RFX3: variants seen among roughly 807,000 people sequenced by gnomAD.
RFX3 encodes the protein regulatory factor X3, also known as transcription factor RFX3.
Under a neutral mutation model 98.6 loss-of-function variants are expected in RFX3, and 14 were observed. That is an observed-to-expected ratio of 0.14 (90% CI 0.09 to 0.22). The LOEUF is 0.22. Ranked by LOEUF, RFX3 falls within the 10% of genes least tolerant of loss-of-function variation. The pLI is 1.00. For synonymous variants in RFX3, 383 were observed against 328.4 expected (o/e 1.17, Z -1.80); for missense variants, 639 against 926.9 (o/e 0.69, Z 4.03).
intron 1 of RFX3, chr9:3,524,611 G>C: frequency 5.1e-6 from 5 of 982,848 alleles, no homozygotes; most frequent in Non-Finnish European, 3.6e-6. Flanking sequence ...ACTGTGAACT[G>C]AGTTCTCACA....
At chr9:3,425,072 T>G (rs1843879807) in intron 1 of RFX3, among the ~76,000 whole-genome samples, 1 of 152,044 alleles carries the variant, frequency 6.6e-6, no homozygotes, top group Non-Finnish European at 1.5e-5. Flanking sequence ...CTACAAAAAA[T>G]CTAAAAATTT....
chr9:3,248,253 T>C (rs1282300112), intron 14 of RFX3, 68 bp from the exon 15 acceptor site: 1 of 1,479,238 alleles, frequency 6.8e-7, no homozygotes, highest in African/African-American at 1.4e-5. Context: ...TACCTATTTT[T>C]CCTCTTAAAA....
At chr9:3,384,968 G>A (rs965533352) in intron 2 of RFX3, among the ~76,000 whole-genome samples, 1 of 152,130 alleles carries the variant, frequency 6.6e-6, no homozygotes, top group African/African-American at 2.4e-5. Flanking sequence ...TCCCTCTGGG[G>A]AAACTTCCTT....
At chr9:3,480,605 G>A (rs896636672) in intron 1 of RFX3, among the ~76,000 whole-genome samples, 5 of 152,156 alleles carry the variant, frequency 3.3e-5, no homozygotes, top group Non-Finnish European at 5.9e-5. Flanking sequence ...AATGGCTAAA[G>A]CTTGAAGACT....
Position 3,395,596 on chromosome 9 carries a change from T to A in RFX3, c.-8A>T, listed in dbSNP as rs896404913. 6.2e-7 allele frequency: 1 copy of A among 1,613,030 alleles called. No homozygotes were observed. ...AGTCTCTGATGTCTGCATGATGGTC[T>A]CTGAAATAGATTAAAATGAAATTAA... On this transcript the variant is annotated splice_region_variant and 5_prime_UTR_variant, in exon 2 of 17. Coordinates refer to ENST00000617270, the MANE Select transcript of RFX3 (RefSeq NM_001282116.2).
intron 1 of RFX3, among the ~76,000 whole-genome samples, chr9:3,442,413 C>G (rs559902145): frequency 2.0e-5 from 3 of 152,090 alleles, no homozygotes; most frequent in Admixed American, 6.5e-5. Flanking sequence ...CAAAAAGTAT[C>G]TGGCCAGTAC....
intron 1 of RFX3, among the ~76,000 whole-genome samples, chr9:3,474,288 A>G (rs2133259830): frequency 6.6e-6 from 1 of 152,354 alleles, no homozygotes; most frequent in Middle Eastern, 3.4e-3. Context: ...GCACATTTCA[A>G]GTTAAAATGT....
chr9:3,451,741 T>C (rs1846655368), intron 1 of RFX3, among the ~76,000 whole-genome samples: 1 of 152,096 alleles, frequency 6.6e-6, no homozygotes, highest in Admixed American at 6.5e-5. Context: ...TAGGGGAAAC[T>C]GGGTGTAGCA....
chr9:3,312,671 T>G (rs1217949195), intron 4 of RFX3, among the ~76,000 whole-genome samples: 2 of 150,522 alleles, frequency 1.3e-5, no homozygotes, highest in Non-Finnish European at 3.0e-5. Flanking sequence ...AGAAGACGGG[T>G]GATTTCTGCA....
chr9:3,484,574 G>A (rs1002898213), intron 1 of RFX3, among the ~76,000 whole-genome samples: 2 of 152,118 alleles, frequency 1.3e-5, no homozygotes, highest in Non-Finnish European at 2.9e-5. Context: ...TTGATAGATG[G>A]GAGTTTCTCC....
intron 5 of RFX3, among the ~76,000 whole-genome samples, 161 bp downstream of exon 5, chr9:3,301,384 CT>C (rs1828641250): frequency 6.6e-6 from 1 of 151,684 alleles, no homozygotes; most frequent in Non-Finnish European, 1.5e-5. Flanking sequence ...GGATATTTCA[CT>C]GTACAAAATA....
chr9:3,237,689 A>G (rs963639690), intron 15 of RFX3, among the ~76,000 whole-genome samples: 5 of 152,222 alleles, frequency 3.3e-5, no homozygotes, highest in Admixed American at 2.6e-4. Flanking sequence ...CCTATGAAAA[A>G]ATGTCCTTAT....
intron 1 of RFX3, among the ~76,000 whole-genome samples, chr9:3,435,226 A>G (rs1228493682): frequency 2.6e-5 from 4 of 152,082 alleles, no homozygotes; most frequent in African/African-American, 9.7e-5. Flanking sequence ...ATTCTTTAGT[A>G]ATAAATTAAC....
intron 1 of RFX3, among the ~76,000 whole-genome samples, chr9:3,397,326 T>C (rs528743496): frequency 1.3e-5 from 2 of 152,222 alleles, no homozygotes; most frequent in African/African-American, 2.4e-5. Context: ...CAGTGTTTAA[T>C]TGGTAGCATA....
chr9:3,359,618 T>C (rs1335654454), intron 2 of RFX3, among the ~76,000 whole-genome samples: 1 of 152,138 alleles, frequency 6.6e-6, no homozygotes, highest in Non-Finnish European at 1.5e-5. Flanking sequence ...TATTTGTTGG[T>C]ATGTTCCCAG....
chr9:3,433,339 A>G (rs757428488), intron 1 of RFX3, among the ~76,000 whole-genome samples: 1 of 152,152 alleles, frequency 6.6e-6, no homozygotes, highest in Non-Finnish European at 1.5e-5. Context: ...GAAGATAACT[A>G]GGATGAAGAC....
intron 4 of RFX3, among the ~76,000 whole-genome samples, chr9:3,315,639 A>G (rs999655082): frequency 6.6e-6 from 1 of 152,174 alleles, no homozygotes; most frequent in Non-Finnish European, 1.5e-5. Flanking sequence ...AAGACTAATA[A>G]AGAAGAAAAG....
intron 2 of RFX3, among the ~76,000 whole-genome samples, chr9:3,357,578 C>G (rs147563816): frequency 4.6e-5 from 7 of 151,694 alleles, no homozygotes; most frequent in African/African-American, 1.7e-4. Flanking sequence ...CAAATTTCAC[C>G]GGAGGCTGGG....
At chr9:3,294,238 T>A (rs1361525673) in intron 5 of RFX3, among the ~76,000 whole-genome samples, 1 of 152,146 alleles carries the variant, frequency 6.6e-6, no homozygotes, top group Admixed American at 6.6e-5. Context: ...TGGTTTCCAA[T>A]TCACATTTCC....
Sources: gnomAD v4.1 joint callset for allele counts (sites outside exome capture counted in the v4.1 genomes callset) on GRCh38, gnomAD v4.1.1 for gene constraint, MANE v1.5 for transcripts, NCBI Gene and HGNC (gene_info 2026-07-23, HGNC 2026-07-21) for gene names.